PDE5A: variants seen among roughly 807,000 people sequenced by gnomAD.
The protein encoded by PDE5A is phosphodiesterase 5A.
Under a neutral mutation model 110.2 loss-of-function variants are expected in PDE5A, and 67 were observed. The ratio of observed to expected loss-of-function variants is 0.61; its 90% CI spans 0.50 to 0.75. The LOEUF (loss-of-function observed/expected upper bound fraction) is 0.75, where lower values mean the gene tolerates loss of function less well. Among genes scored for constraint, PDE5A ranks in the 30% least tolerant of loss-of-function variants. The probability of loss-of-function intolerance (pLI) is 0.00; values close to 1 mark genes in which losing one functional copy is unlikely to be tolerated. For synonymous variants in PDE5A, 328 were observed against 351.2 expected (o/e 0.93, Z 0.74); for missense variants, 862 against 1,045.1 (o/e 0.82, Z 2.42).
intron 1 of PDE5A, among the ~76,000 whole-genome samples, chr4:119,607,882 A>C (rs1729596331): frequency 6.6e-6 from 1 of 152,228 alleles, no homozygotes; most frequent in Non-Finnish European, 1.5e-5. Context: ...CTTCTCTCAA[A>C]ATTAGCTTAT....
intron 14 of PDE5A, among the ~76,000 whole-genome samples, chr4:119,515,411 T>C (rs750396509): frequency 1.3e-4 from 20 of 152,182 alleles, no homozygotes; most frequent in Non-Finnish European, 2.8e-4. Context: ...AGGACAAATA[T>C]ACAGTGTGAC....
chr4:119,515,483 A>T (rs1370071856), intron 14 of PDE5A, among the ~76,000 whole-genome samples: 1 of 152,136 alleles, frequency 6.6e-6, no homozygotes, highest in African/African-American at 2.4e-5. Context: ...TGAAAAAAAC[A>T]CATTCGTTCG....
At chr4:119,521,925 AAAAT>A (rs776512404) in intron 12 of PDE5A, among the ~76,000 whole-genome samples, 1 of 152,066 alleles carries the variant, frequency 6.6e-6, no homozygotes, top group Non-Finnish European at 1.5e-5. Flanking sequence ...GGGGATTTGT[AAAAT>A]AAATATGTGA....
intron 15 of PDE5A, among the ~76,000 whole-genome samples, chr4:119,509,170 G>A (rs1725657703): frequency 6.6e-6 from 1 of 151,974 alleles, no homozygotes; most frequent in Non-Finnish European, 1.5e-5. Flanking sequence ...TGAAAAAATG[G>A]TATTGGGAAA....
chr4:119,523,540 C>G (rs1440171401), intron 12 of PDE5A, among the ~76,000 whole-genome samples: 1 of 151,944 alleles, frequency 6.6e-6, no homozygotes, highest in Non-Finnish European at 1.5e-5. Context: ...TGGCAATGTT[C>G]AAGTTTGATG....
chr4:119,553,259 C>G (rs575286940), intron 8 of PDE5A, among the ~76,000 whole-genome samples: 252 of 152,186 alleles, frequency 1.7e-3, no homozygotes, highest in African/African-American at 5.4e-3. Flanking sequence ...CCCAGAGCTA[C>G]TCACTATGAC....
intron 1 of PDE5A, among the ~76,000 whole-genome samples, chr4:119,625,832 A>G (rs1730327997): frequency 6.6e-6 from 1 of 152,210 alleles, no homozygotes; most frequent in African/African-American, 2.4e-5. Flanking sequence ...TTTATAATCA[A>G]CAAATGTCCA....
Position 119,496,756 on chromosome 4 carries a change from A to G in PDE5A, c.*1845T>C, listed in dbSNP as rs965875262. ...TGTATATATAACTATTATTTTAGTG[A>G]TAGTCTGTGTATTTTACACACCAGT... On this transcript the variant is annotated 3_prime_UTR_variant, in exon 21 of 21. Coordinates refer to ENST00000354960, the MANE Select transcript of PDE5A (RefSeq NM_001083.4). 6.6e-6 allele frequency: 1 copy of G among 152,560 alleles called. No individual in the cohort carries two copies. Among genetic ancestry groups the G allele is most frequent in the Non-Finnish European group, 1.5e-5 (1 of 68,000 alleles). 9.5% of individuals were successfully genotyped at this position (152,560 alleles called of 1,614,324 possible).
At chr4:119,569,036 T>C (rs1337173749) in intron 3 of PDE5A, among the ~76,000 whole-genome samples, 1 of 151,974 alleles carries the variant, frequency 6.6e-6, no homozygotes, top group Non-Finnish European at 1.5e-5. Flanking sequence ...TCAGTCTTTT[T>C]TTTTTTTTTC....
chr4:119,627,229 C>T lies in PDE5A; in HGVS notation c.152+1291G>A, dbSNP rs1730383893. 1 of 1,609,484 alleles carries T rather than the reference C, an allele frequency of 6.2e-7. No homozygotes were observed. Among genetic ancestry groups the T allele is most frequent in the Admixed American group, 1.7e-5 (1 of 59,630 alleles). ...TCCGCCGATCCTGGACTCCAGGAGG[C>T]TCCGTAGGGGCAACAACGCGCGCAG... is the stretch of plus-strand genomic sequence containing the variant. On this transcript the variant is annotated intron_variant, in intron 1 of 20. Coordinates refer to ENST00000354960, the MANE Select transcript of PDE5A (RefSeq NM_001083.4). This position sits in a 1 kb window ranked among gnomAD's most constrained non-coding sequence, Gnocchi z 4.6.
rs373052297 is a variant in PDE5A, at chr4:119,501,290, C to T, written c.2407-37G>A. 5 of 1,186,496 alleles carry T rather than the reference C, an allele frequency of 4.2e-6. No homozygotes were observed. In the African/African-American group the frequency reaches 6.1e-5, roughly 14 times the overall value. 73.5% of individuals were successfully genotyped at this position (1,186,496 alleles called of 1,614,324 possible). A position where few individuals can be genotyped will look rare whatever the true frequency, so the allele number is the denominator to read the frequency against. On this transcript the variant is annotated intron_variant, in intron 19 of 20. Coordinates refer to ENST00000354960, the MANE Select transcript of PDE5A (RefSeq NM_001083.4). Reference sequence around the variant, plus strand: ...AATACAGACCAGACACACAGATGTGCATTTATTTATTTAGTTAGTTATTAC... The same window carrying T: ...AATACAGACCAGACACACAGATGTGTATTTATTTATTTAGTTAGTTATTAC...
At position 119,627,209 on chromosome 4, in the gene PDE5A, C is replaced by G; in HGVS notation, c.152+1311G>C. 2 of 1,612,138 alleles carry G rather than the reference C, an allele frequency of 1.2e-6. No individual in the cohort carries two copies. The highest frequency in any genetic ancestry group is 1.7e-6 in the Non-Finnish European group (2 of 1,178,894). On this transcript the variant is annotated intron_variant, in intron 1 of 20. Transcript: ENST00000354960. The surrounding 1 kb of genome is among the most constrained non-coding windows in gnomAD (Gnocchi z 4.6). Reference sequence around the variant, plus strand: ...TGGGAAGTTCGTTTTCGAACTCCGCCGATCCTGGACTCCAGGAGGCTCCGT... The same window carrying G: ...TGGGAAGTTCGTTTTCGAACTCCGCGGATCCTGGACTCCAGGAGGCTCCGT...
rs1725005239 is a variant in PDE5A, at chr4:119,494,896, T to C, written c.*3705A>G. The C allele has an allele frequency of 6.6e-6, 1 of 152,598 alleles. No homozygotes were observed. Among genetic ancestry groups the C allele is most frequent in the Non-Finnish European group, 1.5e-5 (1 of 68,028 alleles). The allele number at this position is 152,598 out of a possible 1,614,324, so 9.5% of individuals were successfully genotyped here. A position where few individuals can be genotyped will look rare whatever the true frequency, so the allele number is the denominator to read the frequency against. Reference sequence around the variant, plus strand: ...GGAATGGTAAAGTGAGCTTTAATACTTTCTTCTTCACTCTCTGTAGTAGAG... The same window carrying C: ...GGAATGGTAAAGTGAGCTTTAATACCTTCTTCTTCACTCTCTGTAGTAGAG... On this transcript the variant is annotated 3_prime_UTR_variant, in exon 21 of 21. Coordinates refer to ENST00000354960, the MANE Select transcript of PDE5A (RefSeq NM_001083.4).
At chr4:119,600,601 G>A (rs1279326166) in intron 2 of PDE5A, among the ~76,000 whole-genome samples, 8 of 151,804 alleles carry the variant, frequency 5.3e-5, no homozygotes, top group Non-Finnish European at 1.0e-4. Context: ...AAATTAATAA[G>A]GACATAACAA....
chr4:119,522,365 G>T (rs1726158070), intron 12 of PDE5A, among the ~76,000 whole-genome samples: 1 of 151,948 alleles, frequency 6.6e-6, no homozygotes, highest in African/African-American at 2.4e-5. Context: ...GAAGGTGATG[G>T]ATGAATCTTA....
chr4:119,560,848 G>T (rs1727723336), intron 6 of PDE5A, among the ~76,000 whole-genome samples: 1 of 152,160 alleles, frequency 6.6e-6, no homozygotes, highest in Non-Finnish European at 1.5e-5. Flanking sequence ...TTAAAGGTGT[G>T]GTGGTTCATG....
chr4:119,551,722 CTTCT>C (rs1727363008), intron 9 of PDE5A, among the ~76,000 whole-genome samples: 11 of 152,066 alleles, frequency 7.2e-5, no homozygotes, highest in Admixed American at 7.2e-4. Context: ...CCCTCTGCCC[CTTCT>C]TTCTGACTAA....
At chr4:119,618,092 G>A (rs1312601753) in intron 1 of PDE5A, among the ~76,000 whole-genome samples, 1 of 152,120 alleles carries the variant, frequency 6.6e-6, no homozygotes, top group African/African-American at 2.4e-5. Context: ...GGCCCTAGAT[G>A]AGACAGACTT....
intron 15 of PDE5A, among the ~76,000 whole-genome samples, chr4:119,510,550 T>C (rs1199096825): frequency 6.6e-6 from 1 of 152,118 alleles, no homozygotes; most frequent in Non-Finnish European, 1.5e-5. Flanking sequence ...CTTGTTTTCC[T>C]TAACATAAGT....
Sources: gnomAD v4.1 joint callset for allele counts (sites outside exome capture counted in the v4.1 genomes callset) on GRCh38, gnomAD v4.1.1 for gene constraint, Gnocchi (gnomAD v3.1) non-coding constraint, MANE v1.5 for transcripts, NCBI Gene and HGNC (gene_info 2026-07-23, HGNC 2026-07-21) for gene names.